ZFYVE28: variants seen among roughly 807,000 people sequenced by gnomAD.
ZFYVE28 encodes zinc finger FYVE-type containing 28.
A neutral mutation model predicts 82.1 loss-of-function variants in ZFYVE28; 40 were observed. The ratio of observed to expected loss-of-function variants is 0.49; its 90% CI spans 0.38 to 0.63. ZFYVE28 has a LOEUF of 0.63. ZFYVE28 is among the 30% of genes least tolerant of loss of function. The pLI is 0.00. For missense variants in ZFYVE28, 1,321 were observed against 1,242.1 expected (o/e 1.06, Z -0.96); for synonymous variants, 612 against 546.1 (o/e 1.12, Z -1.68).
intron 6 of ZFYVE28, among the ~76,000 whole-genome samples, chr4:2,322,906 C>A (rs140973169): frequency 1.7e-4 from 26 of 152,302 alleles, no homozygotes; most frequent in South Asian, 4.1e-4. Flanking sequence ...TGCTGTGGCA[C>A]GTGGCGAATG....
At chr4:2,272,182 G>A (rs1340735228) in intron 10 of ZFYVE28, among the ~76,000 whole-genome samples, 1 of 152,242 alleles carries the variant, frequency 6.6e-6, no homozygotes, top group Non-Finnish European at 1.5e-5. Flanking sequence ...ATGCAGCCTG[G>A]CGGTGTGGAT....
intron 8 of ZFYVE28, chr4:2,285,884 C>G (rs1712651800): frequency 7.7e-6 from 1 of 129,970 alleles, no homozygotes; most frequent in African/African-American, 3.3e-5. Context: ...CAGGCAGGCA[C>G]TAGCTTGGTC....
chr4:2,340,810 G>A (rs1722670180), intron 3 of ZFYVE28, among the ~76,000 whole-genome samples: 1 of 152,124 alleles, frequency 6.6e-6, no homozygotes. Flanking sequence ...GGGCAGGGTG[G>A]ACACAGGGAC....
chr4:2,369,840 TTTTTC>T (rs1465025506), intron 1 of ZFYVE28, among the ~76,000 whole-genome samples: 27 of 38,332 alleles, frequency 7.0e-4, no homozygotes, highest in African/African-American at 2.1e-3. Flanking sequence ...GGGATTTTTT[TTTTTC>T]TTTTCTTTTT....
intron 1 of ZFYVE28, among the ~76,000 whole-genome samples, chr4:2,386,906 C>T (rs1185626797): frequency 6.6e-6 from 1 of 152,270 alleles, no homozygotes; most frequent in Non-Finnish European, 1.5e-5. Flanking sequence ...CAGCTCGCCT[C>T]CCGGAGCAGC....
chr4:2,334,236 G>A (rs910562879), intron 6 of ZFYVE28, among the ~76,000 whole-genome samples: 1 of 152,144 alleles, frequency 6.6e-6, no homozygotes, highest in African/African-American at 2.4e-5. Context: ...GGGGAGCCAG[G>A]GCCCAGCAGA....
chr4:2,322,441 C>G (rs1240517274), intron 6 of ZFYVE28, among the ~76,000 whole-genome samples: 7 of 151,010 alleles, frequency 4.6e-5, no homozygotes, highest in Non-Finnish European at 8.9e-5. Context: ...GTGAGCCTGG[C>G]AGGCTGGATC....
rs1206210682 is a variant in ZFYVE28 at position 2,374,863 on chromosome 4, C to T, written c.40-20790G>A. Among the ~76,000 whole-genome samples, 3 of 152,230 alleles carry T rather than the reference C, an allele frequency of 2.0e-5. No individual in the cohort carries two copies. In the East Asian group the frequency reaches 5.8e-4, roughly 29 times the overall value. ...GGACATATCTTTGTACCCAGCCCCA[C>T]ATGCCACATTCGGCTCCTCCTCGGT... On this transcript the variant is annotated intron_variant, in intron 1 of 12. Coordinates refer to ENST00000290974, the MANE Select transcript of ZFYVE28 (RefSeq NM_020972.3).
intron 8 of ZFYVE28, among the ~76,000 whole-genome samples, chr4:2,302,253 G>A (rs961298818): frequency 3.3e-5 from 5 of 152,254 alleles, no homozygotes; most frequent in African/African-American, 1.2e-4. Flanking sequence ...GGGGGCAGGG[G>A]AGAAAAAGGT....
intron 8 of ZFYVE28, among the ~76,000 whole-genome samples, chr4:2,303,634 G>A (rs1269128050): frequency 6.6e-6 from 1 of 152,140 alleles, no homozygotes; most frequent in Non-Finnish European, 1.5e-5. Context: ...CTCCAGAGTG[G>A]GGGATGGGAG....
intron 2 of ZFYVE28, among the ~76,000 whole-genome samples, chr4:2,352,561 C>G (rs1381064828): frequency 6.6e-6 from 1 of 151,954 alleles, no homozygotes; most frequent in African/African-American, 2.4e-5. Flanking sequence ...TGTCCACACC[C>G]TCTCAGTTCC....
intron 1 of ZFYVE28, among the ~76,000 whole-genome samples, chr4:2,384,962 A>C (rs1004486964): frequency 6.6e-6 from 1 of 151,714 alleles, no homozygotes; most frequent in African/African-American, 2.4e-5. Context: ...TTTAAGGATT[A>C]TCATAAACAC....
Position 2,320,141 on chromosome 4 carries a change from T to TCCC in ZFYVE28, c.803+26_803+28dup. 3 of 711,876 alleles carry TCCC rather than the reference T, an allele frequency of 4.2e-6. No individual in the cohort carries two copies. Among genetic ancestry groups the TCCC allele is most frequent in the Non-Finnish European group, 4.6e-6 (2 of 434,172 alleles). The allele number at this position is 711,876 out of a possible 1,614,324, so 44.1% of individuals were successfully genotyped here. Reference sequence around the variant, plus strand: ...CTGTGGCCCTCCTGTCCCCCTCCCCTCCCCCACCTCCTCTAGCTCCATCCC... The same window carrying TCCC: ...CTGTGGCCCTCCTGTCCCCCTCCCCTCCCCCCCCACCTCCTCTAGCTCCATCCC... On this transcript the variant is annotated intron_variant, in intron 7 of 12. Coordinates refer to ENST00000290974, the MANE Select transcript of ZFYVE28 (RefSeq NM_020972.3). This position sits in a 1 kb window ranked among gnomAD's most constrained non-coding sequence, Gnocchi z 5.1.
In ZFYVE28 at chr4:2,408,053, G is replaced by A. The variant is rs1732113493; in HGVS notation, c.39+10232C>T. 6.6e-6 allele frequency among the ~76,000 whole-genome samples: 1 copy of A among 152,140 alleles called. No individual in the cohort carries two copies. The highest frequency in any genetic ancestry group is 6.5e-5 in the Admixed American group (1 of 15,286). On this transcript the variant is annotated intron_variant, in intron 1 of 12. Coordinates refer to ENST00000290974, the MANE Select transcript of ZFYVE28 (RefSeq NM_020972.3). This position sits in a 1 kb window ranked among gnomAD's most constrained non-coding sequence, Gnocchi z 4.3. ...CTCCAGAACACCATGTACCTCACTC[G>A]GCCAGGCTGCCCAGGTGACCCTGTG... is the stretch of plus-strand genomic sequence containing the variant.
chr4:2,396,998 G>C (rs781622506), intron 1 of ZFYVE28, among the ~76,000 whole-genome samples: 1 of 152,210 alleles, frequency 6.6e-6, no homozygotes, highest in Non-Finnish European at 1.5e-5. Context: ...CAGGAGCCAG[G>C]GCAGAAGGAA....
At chr4:2,274,615 C>T (rs972590917) in intron 8 of ZFYVE28, among the ~76,000 whole-genome samples, 2 of 152,166 alleles carry the variant, frequency 1.3e-5, no homozygotes, top group African/African-American at 4.8e-5. Context: ...AATATCTCTC[C>T]CCACCCCAGC....
At chr4:2,286,043 C>T (rs1404798569) in intron 8 of ZFYVE28, 1 of 152,448 alleles carries the variant, frequency 6.6e-6, no homozygotes, top group East Asian at 1.9e-4. Context: ...CCCCACCCAC[C>T]TCCAAACCTG....
chr4:2,304,599 G>A lies in ZFYVE28; in HGVS notation c.1741C>T (p.Leu581=), dbSNP rs771357502. The A allele has an allele frequency of 4.3e-6, 7 of 1,612,290 alleles. No homozygotes were observed. The East Asian group carries it at 1.3e-4, about 31-fold the overall frequency. The part of the protein sequence containing the change: ...GDSREDVVER[L]REKCSPGGVI... ...CCTCCCGGGCTGCACTTCTCCCGCA[G>A]ACGCTCCACCACGTCCTCCCTGCTG... The change falls in exon 8 of 13, where the codon CTG becomes TTG. Residue 581 remains leucine, a synonymous_variant. Coordinates refer to ENST00000290974, the MANE Select transcript of ZFYVE28 (RefSeq NM_020972.3).
At position 2,270,830 on chromosome 4, in the gene ZFYVE28, G is replaced by C; in HGVS notation, c.2559C>G (p.His853Gln). 3.7e-6 allele frequency: 6 copies of C among 1,613,032 alleles called. No individual in the cohort carries two copies. The highest frequency in any genetic ancestry group is 5.1e-6 in the Non-Finnish European group (6 of 1,179,950). Residue 853 changes from histidine (H) to glutamine (Q), a missense_variant, in exon 13 of 13, where the codon CAC (histidine) becomes CAG (glutamine). By Grantham distance (24) the His-to-Gln change is conservative. Transcript: ENST00000290974. ...GKIFCSRCSS[H>Q]SAPLPRYGQV... is the part of the protein sequence containing the mutation. ...GCCCGTAGCGGGGCAGCGGTGCTGA[G>C]TGCGAGGAGCAGCGCGAGCAGAAGA...
Sources: allele counts gnomAD v4.1 joint callset (sites outside exome capture counted in the v4.1 genomes callset), GRCh38; gene constraint gnomAD v4.1.1; non-coding constraint Gnocchi (gnomAD v3.1); transcripts MANE v1.5; gene names NCBI Gene and HGNC (gene_info 2026-07-23, HGNC 2026-07-21).